Variants in GNAO1 observed in about 807,000 individuals in gnomAD.
GNAO1 encodes the protein guanine nucleotide-binding protein G(o) subunit alpha.
For synonymous variants in GNAO1, 164 were observed against 180.7 expected (o/e 0.91, Z 0.74); for missense variants, 166 against 478.7 (o/e 0.35, Z 6.10).
chr16:56,319,041 C>T (rs2037543990), intron 3 of GNAO1, among the ~76,000 whole-genome samples: 1 of 152,230 alleles, frequency 6.6e-6, no homozygotes, highest in Non-Finnish European at 1.5e-5. Flanking sequence ...CCATCATATC[C>T]TTGGCACCTC....
At chr16:56,241,674 G>T (rs887888113) in intron 2 of GNAO1, among the ~76,000 whole-genome samples, 1 of 152,288 alleles carries the variant, frequency 6.6e-6, no homozygotes, top group Middle Eastern at 3.4e-3. Flanking sequence ...AAGCATAATG[G>T]TATAGGCTAT....
intron 2 of GNAO1, among the ~76,000 whole-genome samples, chr16:56,203,889 C>T (rs1388421687): frequency 6.6e-6 from 1 of 152,122 alleles, no homozygotes; most frequent in Admixed American, 6.5e-5. Flanking sequence ...AGAGAAGTGA[C>T]TGGAAAGGAA....
intron 2 of GNAO1, among the ~76,000 whole-genome samples, chr16:56,239,358 T>G (rs950510775): frequency 5.3e-5 from 8 of 152,230 alleles, no homozygotes; most frequent in African/African-American, 1.9e-4. Context: ...AAGACTTATG[T>G]TTTAATAAAA....
At chr16:56,324,902 G>A (rs880789) in intron 3 of GNAO1, among the ~76,000 whole-genome samples, 119,451 of 152,232 alleles carry the variant, frequency 0.78, 47,632 homozygotes, top group East Asian at 0.98. Flanking sequence ...CAGTGGACAG[G>A]CTCTGACATG....
chr16:56,220,575 A>AG (rs1367689060), intron 2 of GNAO1, among the ~76,000 whole-genome samples: 1 of 152,126 alleles, frequency 6.6e-6, no homozygotes, highest in African/African-American at 2.4e-5. Flanking sequence ...TAATTTAAAA[A>AG]ACAAATGTTT....
intron 6 of GNAO1, chr16:56,341,123 C>T: frequency 1.4e-6 from 1 of 720,356 alleles, no homozygotes; most frequent in Admixed American, 2.3e-5. Flanking sequence ...CCCACCCTGC[C>T]CCCAGATTGT....
At position 56,259,554 on chromosome 16, in the gene GNAO1, A is replaced by T. The variant is rs115417699; in HGVS notation, c.162-16377A>T. Among the ~76,000 whole-genome samples the T allele has an allele frequency of 4.7e-3, 721 of 152,324 alleles. 6 individuals are homozygous for T. The highest frequency in any genetic ancestry group is 0.017 in the African/African-American group (697 of 41,584). ...GCCGTGGTGATAATAAGCAGATGTGACTGTGATGGTGATCCCGACAGTGTC... is the reference window on the plus strand; with the variant it reads ...GCCGTGGTGATAATAAGCAGATGTGTCTGTGATGGTGATCCCGACAGTGTC... On this transcript the variant is annotated intron_variant, in intron 2 of 8. Coordinates refer to ENST00000262493, the MANE Select transcript of GNAO1 (RefSeq NM_020988.3).
At chr16:56,195,713 G>A (rs1307724507) in intron 2 of GNAO1, among the ~76,000 whole-genome samples, 1 of 152,184 alleles carries the variant, frequency 6.6e-6, no homozygotes. Flanking sequence ...ATTTCCTAAT[G>A]GGGGGCTGCA....
At chr16:56,239,620 G>A (rs16956194) in intron 2 of GNAO1, among the ~76,000 whole-genome samples, 20,677 of 152,198 alleles carry the variant, frequency 0.14, 1,819 homozygotes, top group East Asian at 0.37. Context: ...TTCTAATGAA[G>A]AATTATTGCA....
intron 2 of GNAO1, among the ~76,000 whole-genome samples, chr16:56,236,796 G>A (rs2143413957): frequency 6.6e-6 from 1 of 152,308 alleles, no homozygotes; most frequent in South Asian, 2.1e-4. Context: ...GACTCACCAA[G>A]AGAAAACAAA....
intron 6 of GNAO1, chr16:56,347,870 T>C: frequency 2.0e-6 from 2 of 979,436 alleles, no homozygotes; most frequent in Non-Finnish European, 2.4e-6. Flanking sequence ...TGGTCTTCTC[T>C]ACTCCGCTGG....
intron 2 of GNAO1, among the ~76,000 whole-genome samples, chr16:56,222,052 A>C (rs968156043): frequency 2.0e-5 from 3 of 152,176 alleles, no homozygotes; most frequent in Non-Finnish European, 2.9e-5. Context: ...TTTGCAATGG[A>C]GTTTACAAGA....
At chr16:56,302,797 C>G (rs1473690971) in intron 3 of GNAO1, 1 of 152,280 alleles carries the variant, frequency 6.6e-6, no homozygotes, top group Non-Finnish European at 1.5e-5. Context: ...ATTTCTCACC[C>G]AACTGGTGTC....
intron 8 of GNAO1, chr16:56,355,729 T>C (rs949910859): frequency 4.6e-5 from 7 of 152,246 alleles, no homozygotes; most frequent in Admixed American, 3.3e-4. Context: ...CATGTTAAGA[T>C]GGCAAGAATC....
chr16:56,351,296 T>C lies in GNAO1; in HGVS notation c.724-88T>C, dbSNP rs941436785. On this transcript the variant is annotated intron_variant, in intron 6 of 8. Transcript: ENST00000262493. This position sits in a 1 kb window ranked among gnomAD's most constrained non-coding sequence, Gnocchi z 6.1. ...GCTGCCGAGTAGCCCAGTCCCTCTC[T>C]GTCAAGCCTAATTCTCTCCTTCTCT... is the stretch of plus-strand genomic sequence containing the variant. 5.4e-6 allele frequency: 5 copies of C among 928,732 alleles called. No individual in the cohort carries two copies. The highest frequency in any genetic ancestry group is 4.9e-5 in the African/African-American group (3 of 61,562). The allele number at this position is 928,732 out of a possible 1,614,324, so 57.5% of individuals were successfully genotyped here. A position where few individuals can be genotyped will look rare whatever the true frequency, so the allele number is the denominator to read the frequency against.
chr16:56,216,750 G>A (rs532602326), intron 2 of GNAO1, among the ~76,000 whole-genome samples: 2 of 152,354 alleles, frequency 1.3e-5, no homozygotes, highest in African/African-American at 4.8e-5. Context: ...AGAGCCACAA[G>A]GTTTGGAAGA....
At chr16:56,353,412 G>A (rs2037941675) in intron 7 of GNAO1, 1 of 152,320 alleles carries the variant, frequency 6.6e-6, no homozygotes, top group Non-Finnish European at 1.5e-5. Context: ...GGCCTTCAGA[G>A]GAATCCAGTT....
At chr16:56,274,173 G>C (rs1335703160) in intron 2 of GNAO1, among the ~76,000 whole-genome samples, 1 of 152,182 alleles carries the variant, frequency 6.6e-6, no homozygotes, top group African/African-American at 2.4e-5. Flanking sequence ...CGGACGCCCA[G>C]GCCATCACCG....
chr16:56,288,586 C>A (rs1250279484), intron 3 of GNAO1, among the ~76,000 whole-genome samples: 2 of 152,196 alleles, frequency 1.3e-5, no homozygotes, highest in African/African-American at 4.8e-5. Context: ...TGGGAAAATG[C>A]AGCCTTCACA....
Sources: gnomAD v4.1 joint callset for allele counts (sites outside exome capture counted in the v4.1 genomes callset) on GRCh38, gnomAD v4.1.1 for gene constraint, Gnocchi (gnomAD v3.1) non-coding constraint, MANE v1.5 for transcripts, NCBI Gene and HGNC (gene_info 2026-07-23, HGNC 2026-07-21) for gene names.